ZNF808: variants seen among roughly 807,000 people sequenced by gnomAD.
ZNF808 encodes zinc finger protein 808.
A neutral mutation model predicts 8.7 loss-of-function variants in ZNF808; 5 were observed. The ratio of observed to expected loss-of-function variants is 0.58; its 90% CI spans 0.30 to 1.21. The LOEUF is 1.21. Ranked by LOEUF, ZNF808 falls within the 50% of genes most tolerant of loss-of-function variation. ZNF808 has a pLI of 0.07. For missense variants in ZNF808, 1,103 were observed against 1,098.4 expected (o/e 1.00, Z -0.06); for synonymous variants, 380 against 366.0 (o/e 1.04, Z -0.44).
At chr19:52,552,597 T>TA (rs1167430464) in intron 4 of ZNF808, among the ~76,000 whole-genome samples, 1 of 151,822 alleles carries the variant, frequency 6.6e-6, no homozygotes, top group Non-Finnish European at 1.5e-5. Flanking sequence ...AATCTTTTCT[T>TA]ATCTTCTCAG....
intron 4 of ZNF808, among the ~76,000 whole-genome samples, chr19:52,551,884 TC>T (rs2059780441): frequency 1.3e-5 from 2 of 152,014 alleles, no homozygotes; most frequent in Non-Finnish European, 1.5e-5. Context: ...GTGCCTGTAA[TC>T]CCAGGTACTC....
At chr19:52,562,472 C>T (rs1055892147) in intron 3 of ZNF808, among the ~76,000 whole-genome samples, 3 of 152,114 alleles carry the variant, frequency 2.0e-5, no homozygotes, top group Non-Finnish European at 2.9e-5. Context: ...TCTCAAAGGC[C>T]CCATCTGCAG....
chr19:52,555,083 G>A lies in ZNF808; in HGVS notation c.2167G>A (p.Val723Ile). 1.2e-6 allele frequency: 2 copies of A among 1,613,976 alleles called. No individual in the cohort carries two copies. Among genetic ancestry groups the A allele is most frequent in the Non-Finnish European group, 1.7e-6 (2 of 1,179,978 alleles). The change falls in exon 5 of 5, where the codon GTA becomes ATA. Residue 723 changes from valine to isoleucine, a missense_variant. Physicochemically the swap from Val to Ile is conservative, Grantham distance 29. Coordinates refer to ENST00000359798, the MANE Select transcript of ZNF808 (RefSeq NM_001039886.4). ...SKTFSNRSSLVCHRRIHSGEK... is the reference protein window; with the variant it reads ...SKTFSNRSSLICHRRIHSGEK... Reference sequence around the variant, plus strand: ...GACCTTCAGTAACAGGTCATCCCTTGTATGCCATCGTAGAATTCATAGTGG... The same window carrying A: ...GACCTTCAGTAACAGGTCATCCCTTATATGCCATCGTAGAATTCATAGTGG...
intron 2 of ZNF808, 81 bp downstream of exon 2, chr19:52,533,090 A>G (rs759803495): frequency 7.9e-5 from 12 of 151,994 alleles, no homozygotes; most frequent in Non-Finnish European, 1.8e-4. Context: ...AAAGAAGGAG[A>G]TTTTCTTTCC....
chr19:52,543,142 C>A (rs955299916), intron 2 of ZNF808, 124 bp from the exon 3 acceptor site: 1 of 936,672 alleles, frequency 1.1e-6, no homozygotes, highest in East Asian at 2.5e-5. Flanking sequence ...TCTGCATGAT[C>A]TCTGGTGCAG....
At chr19:52,535,523 G>A (rs1234113924) in intron 2 of ZNF808, among the ~76,000 whole-genome samples, 1 of 152,048 alleles carries the variant, frequency 6.6e-6, no homozygotes, top group Non-Finnish European at 1.5e-5. Context: ...CATCCCTGCT[G>A]TGTTTAGGCA....
intron 2 of ZNF808, among the ~76,000 whole-genome samples, chr19:52,539,848 C>T (rs1019600206): frequency 4.0e-4 from 61 of 151,552 alleles, no homozygotes; most frequent in African/African-American, 1.4e-3. Context: ...CCGCTGCGCC[C>T]GGCCTTTGTT....
Position 52,553,143 on chromosome 19 carries a change from C to T in ZNF808, c.227C>T (p.Ser76Leu), listed in dbSNP as rs568340866. The T allele has an allele frequency of 4.4e-6, 7 of 1,577,202 alleles. No homozygotes were observed. The African/African-American group carries it at 8.2e-5, about 19-fold the overall frequency. Residue 76 changes from serine (S) to leucine (L), a missense_variant, in exon 5 of 5, where the codon TCA becomes TTA. By Grantham distance (145) the Ser-to-Leu change is moderately radical. Transcript: ENST00000359798. ...SSKHMMKEVL[S>L]TGQGNREVIH... ...AAACACATGATGAAGGAGGTCTTGTCAACAGGGCAAGGCAATAGAGAAGTG... is the reference window on the plus strand; with the variant it reads ...AAACACATGATGAAGGAGGTCTTGTTAACAGGGCAAGGCAATAGAGAAGTG...
chr19:52,551,972 C>T (rs1354588322), intron 4 of ZNF808, among the ~76,000 whole-genome samples: 1 of 151,952 alleles, frequency 6.6e-6, no homozygotes, highest in Admixed American at 6.6e-5. Context: ...CATGACGCTC[C>T]AAGTTGGAGT....
At chr19:52,543,597 C>T (rs1374052891) in intron 3 of ZNF808, among the ~76,000 whole-genome samples, 1 of 152,128 alleles carries the variant, frequency 6.6e-6, no homozygotes, top group East Asian at 1.9e-4. Flanking sequence ...TTGGGAAGGG[C>T]TCACACCCAG....
chr19:52,558,759 GACT>G (rs1240708272), downstream of ZNF808, among the ~76,000 whole-genome samples: 20 of 152,212 alleles, frequency 1.3e-4, no homozygotes, highest in African/African-American at 4.6e-4. Flanking sequence ...AGACATAAGA[GACT>G]ACATTTTGTT....
intron 2 of ZNF808, among the ~76,000 whole-genome samples, chr19:52,543,009 G>A (rs1185242024): frequency 2.6e-5 from 4 of 151,938 alleles, no homozygotes; most frequent in South Asian, 2.1e-4. Flanking sequence ...CATAAAGGGG[G>A]CATCAGTGCA....
At chr19:52,568,748 A>AC (rs2059879713), downstream of ZNF808, among the ~76,000 whole-genome samples, 2 of 152,280 alleles carry the variant, frequency 1.3e-5, no homozygotes, top group Middle Eastern at 3.4e-3. Context: ...TATAATTAAT[A>AC]ATGTATTCTA....
chr19:52,535,788 T>C (rs1194614576), intron 2 of ZNF808, among the ~76,000 whole-genome samples: 4 of 152,208 alleles, frequency 2.6e-5, no homozygotes, highest in African/African-American at 9.6e-5. Flanking sequence ...TTTTGAATCA[T>C]GCTTCAGCCT....
rs1395119781 is a variant in ZNF808 at position 52,553,641 on chromosome 19, G to A, written c.725G>A (p.Cys242Tyr). ...AATGAGAGTGGCAAAGCCTTTAATT[G>A]TAGCTCACTCTTAAGGAAACACCAG... is the stretch of plus-strand genomic sequence containing the variant. ...PCNESGKAFN[C>Y]SSLLRKHQIP... The change falls in exon 5 of 5, where the codon TGT (cysteine) becomes TAT (tyrosine). Residue 242 changes from cysteine to tyrosine, a missense_variant. Coordinates refer to ENST00000359798, the MANE Select transcript of ZNF808 (RefSeq NM_001039886.4). 1 of 1,614,152 alleles carries A rather than the reference G, an allele frequency of 6.2e-7. No homozygotes were observed. Among genetic ancestry groups the A allele is most frequent in the South Asian group, 1.1e-5 (1 of 91,076 alleles).
intron 1 of ZNF808, among the ~76,000 whole-genome samples, chr19:52,529,987 C>T (rs575226225): frequency 1.3e-5 from 2 of 151,922 alleles, no homozygotes; most frequent in Admixed American, 6.6e-5. Context: ...AAAGGGTCCT[C>T]CTGCCTTGGC....
Position 52,554,155 on chromosome 19 carries a change from C to T in ZNF808, c.1239C>T (p.Ser413=), listed in dbSNP as rs1424192977. 3 of 1,614,090 alleles carry T rather than the reference C, an allele frequency of 1.9e-6. No homozygotes were observed. Among genetic ancestry groups the T allele is most frequent in the Non-Finnish European group, 2.5e-6 (3 of 1,180,020 alleles). Residue 413 remains serine (S), a synonymous_variant, in exon 5 of 5, where the codon AGC becomes AGT. Coordinates refer to ENST00000359798, the MANE Select transcript of ZNF808 (RefSeq NM_001039886.4). ...ECGKAFNHQS[S]LARHHILHTG... ...GTAAGGCTTTTAATCATCAATCAAG[C>T]CTTGCACGTCATCATATACTTCATA...
chr19:52,538,353 G>GT (rs1333853125), intron 2 of ZNF808, among the ~76,000 whole-genome samples: 1 of 146,820 alleles, frequency 6.8e-6, no homozygotes, highest in East Asian at 1.9e-4. Flanking sequence ...ATTATTATTA[G>GT]TTTTTTGAGG....
downstream of ZNF808, among the ~76,000 whole-genome samples, chr19:52,566,754 A>G (rs2059873896): frequency 1.3e-5 from 2 of 152,134 alleles, 1 homozygote; most frequent in South Asian, 4.1e-4. Context: ...TAAAACTAGC[A>G]ACATACATTC....
Sources: gnomAD v4.1 joint callset for allele counts (sites outside exome capture counted in the v4.1 genomes callset) on GRCh38, gnomAD v4.1.1 for gene constraint, MANE v1.5 for transcripts, NCBI Gene and HGNC (gene_info 2026-07-23, HGNC 2026-07-21) for gene names.